Variants in GAB1 observed in about 807,000 individuals in gnomAD.
GAB1 encodes GRB2 associated binding protein 1, also known as GRB2-associated-binding protein 1.
A neutral mutation model predicts 66.5 loss-of-function variants in GAB1; 19 were observed. The ratio of observed to expected loss-of-function variants is 0.29; its 90% CI spans 0.20 to 0.42. GAB1 has a LOEUF of 0.42. Ranked by LOEUF, GAB1 falls within the 10% of genes least tolerant of loss-of-function variation. The pLI, the probability that GAB1 is intolerant of heterozygous loss-of-function variation, is 1.00. For synonymous variants in GAB1, 294 were observed against 301.4 expected, an observed-to-expected ratio of 0.98 and a Z score of 0.25; for missense variants, 732 against 858.5, an observed-to-expected ratio of 0.85 and a Z score of 1.84.
chr4:143,417,421 T>C, intron 2 of GAB1: 2 of 430,808 alleles, frequency 4.6e-6, no homozygotes, highest in South Asian at 3.4e-5. Flanking sequence ...TATTTTCTTT[T>C]TTTTGAGATA....
chr4:143,364,566 C>T (rs1729791894), intron 1 of GAB1, among the ~76,000 whole-genome samples: 1 of 152,106 alleles, frequency 6.6e-6, no homozygotes, highest in Non-Finnish European at 1.5e-5. Flanking sequence ...GTTTGTGGGG[C>T]TAGGTGTCCA....
At chr4:143,468,701 G>A (rs758864233) in intron 9 of GAB1, among the ~76,000 whole-genome samples, 13 of 151,802 alleles carry the variant, frequency 8.6e-5, no homozygotes, top group Non-Finnish European at 1.6e-4. Context: ...CAAGGCGGAT[G>A]GATCTTGAGG....
chr4:143,466,118 AAC>A lies in GAB1; in HGVS notation c.1821_1822del (p.Asn607LysfsTer3). ...SSEDPNLFGSNSLDGGSSPMI... is the reference protein window; with the variant it reads ...SSEDPNLFGSXSLDGGSSPMI... ...ATACTTTCAGAATCTCTTTGGCAGT[AAC>A]AGTCTTGATGGAGGAAGCAGCCCTA... On this transcript the variant is annotated frameshift_variant, in exon 9 of 10. Transcript: ENST00000262994. LOFTEE classifies it high-confidence loss of function. 1 of 1,613,736 alleles carries A rather than the reference AAC, an allele frequency of 6.2e-7. No individual in the cohort carries two copies. Among genetic ancestry groups the A allele is most frequent in the Non-Finnish European group, 8.5e-7 (1 of 1,179,752 alleles).
At chr4:143,419,684 T>C (rs1381496565) in intron 2 of GAB1, among the ~76,000 whole-genome samples, 1 of 152,144 alleles carries the variant, frequency 6.6e-6, no homozygotes, top group African/African-American at 2.4e-5. Flanking sequence ...ATTGAGGTCA[T>C]GAGCTATATC....
chr4:143,354,101 C>T (rs1015519107), intron 1 of GAB1, among the ~76,000 whole-genome samples: 2 of 152,184 alleles, frequency 1.3e-5, no homozygotes, highest in African/African-American at 4.8e-5. Flanking sequence ...CAGCTTCTTC[C>T]ATTTACTCAA....
At chr4:143,437,846 CT>C (rs1156277754) in intron 3 of GAB1, among the ~76,000 whole-genome samples, 152 bp from the exon 4 acceptor site, 3 of 151,980 alleles carry the variant, frequency 2.0e-5, no homozygotes, top group African/African-American at 7.3e-5. Context: ...ATCATAAAGG[CT>C]AAAGAACATT....
rs770306582 is a variant in GAB1 at position 143,460,433 on chromosome 4, C to A, written c.1749C>A (p.His583Gln). 1 of 1,613,384 alleles carries A rather than the reference C, an allele frequency of 6.2e-7. No homozygotes were observed. Among genetic ancestry groups the A allele is most frequent in the Non-Finnish European group, 8.5e-7 (1 of 1,179,404 alleles). The change falls in exon 8 of 10, where the codon CAC (histidine) becomes CAA (glutamine). Residue 583 changes from histidine (H) to glutamine (Q), a missense_variant. His to Gln is a conservative substitution (Grantham distance 24, BLOSUM62 0). Around this residue, in one of 4 missense-constraint regions of GAB1, gnomAD observed 204 missense variants for 276.8 expected, o/e 0.74. Coordinates refer to ENST00000262994, the MANE Select transcript of GAB1 (RefSeq NM_002039.4). ...VHSTTSSSDSHDSEENYVPMN... is the reference protein window; with the variant it reads ...VHSTTSSSDSQDSEENYVPMN... ...GCACAACTTCAAGCAGTGACTCACACGACAGTGAAGAGAATTATGTTCCCA... is the reference window on the plus strand; with the variant it reads ...GCACAACTTCAAGCAGTGACTCACAAGACAGTGAAGAGAATTATGTTCCCA...
chr4:143,440,462 G>A, intron 6 of GAB1, 80 bp downstream of exon 6: 3 of 1,308,406 alleles, frequency 2.3e-6, no homozygotes, highest in Non-Finnish European at 3.1e-6. Flanking sequence ...ATCCAAAATA[G>A]AATTTGGACT....
At position 143,440,191 on chromosome 4, in the gene GAB1, A is replaced by C; in HGVS notation, c.1394A>C (p.Glu465Ala). The C allele has an allele frequency of 6.2e-7, 1 of 1,614,166 alleles. No homozygotes were observed. The highest frequency in any genetic ancestry group is 1.6e-4 in the Middle Eastern group (1 of 6,062). Reference sequence around the variant, plus strand: ...CGACAACATTCCAGCAGTTTTACAGAACCAATTCAGGAAGCAAATTATGTG... The same window carrying C: ...CGACAACATTCCAGCAGTTTTACAGCACCAATTCAGGAAGCAAATTATGTG... Reference protein sequence around the residue: ...PPRQHSSSFTEPIQEANYVPM... With the variant: ...PPRQHSSSFTAPIQEANYVPM... Residue 465 changes from glutamate (E) to alanine (A), a missense_variant, in exon 6 of 10, where the codon GAA becomes GCA. Glu to Ala is a moderately radical substitution (Grantham distance 107). Around this residue, in one of 4 missense-constraint regions of GAB1, gnomAD observed 427 missense variants for 420.6 expected, o/e 1.02. Coordinates refer to ENST00000262994, the MANE Select transcript of GAB1 (RefSeq NM_002039.4).
At chr4:143,434,233 A>G in intron 3 of GAB1, 2 of 699,378 alleles carry the variant, frequency 2.9e-6, no homozygotes, top group Non-Finnish European at 4.2e-6. Context: ...ATCCCAATAT[A>G]GCAAATTCCA....
chr4:143,448,675 C>T (rs1459961866), intron 6 of GAB1, among the ~76,000 whole-genome samples: 1 of 151,794 alleles, frequency 6.6e-6, no homozygotes, highest in Non-Finnish European at 1.5e-5. Context: ...TTTGATTCTT[C>T]TCTCTTTTTT....
rs770764957 is a variant in GAB1, at chr4:143,469,060, A to G, written c.1956A>G (p.Val652=). ...KQKSSGSGSS[V]ADERVDYVVV... is the part of the protein sequence containing the mutation. ...AGAGCAGTGGCTCAGGCAGCAGTGT[A>G]GCAGATGAGAGAGTGGATTATGTTG... The change falls in exon 10 of 10, where the codon GTA becomes GTG. Residue 652 remains valine (V), a synonymous_variant. Coordinates refer to ENST00000262994, the MANE Select transcript of GAB1 (RefSeq NM_002039.4). 6 of 1,614,006 alleles carry G rather than the reference A, an allele frequency of 3.7e-6. No homozygotes were observed. In the Admixed American group the frequency reaches 1.0e-4, roughly 27 times the overall value.
At chr4:143,395,744 A>G in intron 1 of GAB1, 1 of 352,012 alleles carries the variant, frequency 2.8e-6, no homozygotes, top group East Asian at 8.0e-5. Flanking sequence ...GAGGTGAATT[A>G]TAGAACTCTG....
At position 143,433,602 on chromosome 4, in the gene GAB1, C is replaced by G; in HGVS notation, c.479C>G (p.Pro160Arg). The G allele has an allele frequency of 6.2e-7, 1 of 1,613,968 alleles. No individual in the cohort carries two copies. Among genetic ancestry groups the G allele is most frequent in the South Asian group, 1.1e-5 (1 of 91,086 alleles). ...GATTCATCCTCTGCTACTCTACCTCCTCCATATCAGCTAATCAATGTTCCA... is the reference window on the plus strand; with the variant it reads ...GATTCATCCTCTGCTACTCTACCTCGTCCATATCAGCTAATCAATGTTCCA... ...QADSSSATLPPPYQLINVPPH... is the reference protein window; with the variant it reads ...QADSSSATLPRPYQLINVPPH... The change falls in exon 3 of 10, where the codon CCT (proline) becomes CGT (arginine). Residue 160 changes from proline (P) to arginine (R), a missense_variant. Transcript: ENST00000262994.
Position 143,472,724 on chromosome 4 carries a change from TCTC to T in GAB1, c.*3540_*3542del, listed in dbSNP as rs1326915977. On this transcript the variant is annotated 3_prime_UTR_variant, in exon 10 of 10. Coordinates refer to ENST00000262994, the MANE Select transcript of GAB1 (RefSeq NM_002039.4). ...GTCTTCGGGTCATTCTGGTAGGTCT[TCTC>T]CTCCACTGTCAAGTAAGCAATCAGG... 3 of 152,136 alleles carry T rather than the reference TCTC, an allele frequency of 2.0e-5. No homozygotes were observed. The highest frequency in any genetic ancestry group is 6.6e-5 in the Admixed American group (1 of 15,250). 9.4% of individuals were successfully genotyped at this position (152,136 alleles called of 1,614,324 possible).
chr4:143,353,552 C>T lies in GAB1; in HGVS notation c.72+16292C>T, dbSNP rs2149650401. On this transcript the variant is annotated intron_variant, in intron 1 of 9. Transcript: ENST00000262994. ...AGCAGAGGAATAAAGTACTTGATTT[C>T]CAGCTACCTACTGAATGCACTCTGC... Among the ~76,000 whole-genome samples, 3 of 151,860 alleles carry T rather than the reference C, an allele frequency of 2.0e-5. 1 individual carries two copies. In the Middle Eastern group the frequency reaches 0.01, roughly 517 times the overall value.
intron 1 of GAB1, among the ~76,000 whole-genome samples, chr4:143,348,281 C>G (rs1729052247): frequency 6.6e-6 from 1 of 152,254 alleles, no homozygotes; most frequent in African/African-American, 2.4e-5. Context: ...GCCCATTTCT[C>G]ATTCCAGATC....
intron 1 of GAB1, chr4:143,395,966 T>C (rs1166079173): frequency 2.2e-6 from 1 of 455,314 alleles, no homozygotes; most frequent in African/African-American, 2.0e-5. Flanking sequence ...CCATTCCTGT[T>C]GAAGGAGAGG....
At chr4:143,457,595 CTTTTTTTTTTT>C (rs144852070) in intron 6 of GAB1, 2 of 284,524 alleles carry the variant, frequency 7.0e-6, no homozygotes, top group African/African-American at 5.8e-5. Flanking sequence ...GGCTCTGTTG[CTTTTTTTTTTT>C]TTTTTTTTTA....
Sources: allele counts gnomAD v4.1 joint callset (sites outside exome capture counted in the v4.1 genomes callset), GRCh38; gene constraint gnomAD v4.1.1; regional missense constraint gnomAD v4.1.1; transcripts MANE v1.5; gene names NCBI Gene and HGNC (gene_info 2026-07-23, HGNC 2026-07-21).